The following SPATA6 variants were observed in gnomAD, a reference collection of about 807,000 sequenced individuals.
SPATA6 encodes the protein spermatogenesis associated 6.
Under a neutral mutation model 65.3 loss-of-function variants are expected in SPATA6, and 56 were observed. That is an observed-to-expected ratio of 0.86 (90% CI 0.69 to 1.07). SPATA6 has a LOEUF of 1.07. Among genes scored for constraint, SPATA6 ranks in the 50% least tolerant of loss-of-function variants. SPATA6 has a pLI of 0.00. For missense variants in SPATA6, 590 were observed against 594.8 expected (o/e 0.99, Z 0.08); for synonymous variants, 199 against 213.2 (o/e 0.93, Z 0.58).
intron 3 of SPATA6, among the ~76,000 whole-genome samples, chr1:48,425,315 G>A (rs532828134): frequency 6.6e-6 from 1 of 152,050 alleles, no homozygotes; most frequent in Non-Finnish European, 1.5e-5. Context: ...GTATGGATTT[G>A]TTTCTGGGTT....
intron 3 of SPATA6, among the ~76,000 whole-genome samples, chr1:48,413,493 G>A (rs912162003): frequency 1.2e-4 from 16 of 138,572 alleles, no homozygotes; most frequent in African/African-American, 2.7e-4. Flanking sequence ...TAGTAGAAAC[G>A]AGGTTTCACC....
At chr1:48,334,431 C>T (rs1008265873) in intron 11 of SPATA6, among the ~76,000 whole-genome samples, 16 of 152,096 alleles carry the variant, frequency 1.1e-4, no homozygotes, top group African/African-American at 3.6e-4. Flanking sequence ...AAAGCTTAGC[C>T]ACCACAATCA....
chr1:48,434,554 G>A (rs1341614559), intron 3 of SPATA6, among the ~76,000 whole-genome samples: 1 of 151,982 alleles, frequency 6.6e-6, no homozygotes, highest in African/African-American at 2.4e-5. Context: ...GTTGGTAAGA[G>A]AAGGCCTCTC....
intron 9 of SPATA6, among the ~76,000 whole-genome samples, chr1:48,374,684 T>A (rs768724395): frequency 6.6e-6 from 1 of 152,214 alleles, no homozygotes; most frequent in Non-Finnish European, 1.5e-5. Flanking sequence ...TCCCTTCTTA[T>A]GACAATAGAT....
At chr1:48,363,543 G>A (rs1460222390) in intron 9 of SPATA6, among the ~76,000 whole-genome samples, 2 of 152,004 alleles carry the variant, frequency 1.3e-5, no homozygotes, top group African/African-American at 4.8e-5. Context: ...TGGAGAGCTT[G>A]GCTCATAAAG....
At chr1:48,469,388 T>G (rs958114029) in intron 1 of SPATA6, among the ~76,000 whole-genome samples, 9 of 151,664 alleles carry the variant, frequency 5.9e-5, no homozygotes, top group African/African-American at 1.9e-4. Flanking sequence ...AGATACAGAG[T>G]GATCTCCAGG....
chr1:48,414,197 C>A (rs1403669853), intron 3 of SPATA6, among the ~76,000 whole-genome samples: 5 of 152,182 alleles, frequency 3.3e-5, no homozygotes, highest in African/African-American at 1.2e-4. Context: ...TCATTGGGCT[C>A]TCAAGTTTTT....
chr1:48,380,089 T>C (rs752695081), intron 9 of SPATA6, among the ~76,000 whole-genome samples: 5 of 152,216 alleles, frequency 3.3e-5, no homozygotes, highest in Admixed American at 1.3e-4. Flanking sequence ...AAAGAAAAAG[T>C]GAGAATCTCG....
At chr1:48,316,302 C>A (rs190846379) in intron 11 of SPATA6, among the ~76,000 whole-genome samples, 249 of 152,280 alleles carry the variant, frequency 1.6e-3, no homozygotes, top group African/African-American at 5.9e-3. Flanking sequence ...GCTACAGTAA[C>A]CAAAACAGCA....
intron 11 of SPATA6, among the ~76,000 whole-genome samples, chr1:48,329,033 C>A (rs983555636): frequency 6.6e-6 from 1 of 152,168 alleles, no homozygotes; most frequent in South Asian, 2.1e-4. Context: ...ATTACAAAGA[C>A]TGACTATATG....
intron 3 of SPATA6, among the ~76,000 whole-genome samples, chr1:48,418,499 G>A (rs933151291): frequency 2.4e-5 from 3 of 125,160 alleles, no homozygotes; most frequent in Non-Finnish European, 4.7e-5. Flanking sequence ...CTTGAGCCCC[G>A]GAGTTCGAGA....
chr1:48,356,748 C>T lies in SPATA6; in HGVS notation c.1095-979G>A, dbSNP rs778566836. The stretch of plus-strand genomic sequence containing the variant: ...CCAAACTGCTGACCTCGTGATCCGC[C>T]CACCTTGGCCTCCCAAAGTGCTGGG... On this transcript the variant is annotated intron_variant, in intron 10 of 12. Transcript: ENST00000371847. Among the ~76,000 whole-genome samples the T allele has an allele frequency of 4.5e-4, 69 of 152,080 alleles. 2 individuals are homozygous for T. Among genetic ancestry groups the T allele is most frequent in the Middle Eastern group, 6.8e-3 (2 of 294 alleles).
chr1:48,352,280 A>G (rs4926522), intron 11 of SPATA6, among the ~76,000 whole-genome samples: 64,680 of 151,850 alleles, frequency 0.43, 14,905 homozygotes, highest in African/African-American at 0.62. Context: ...TACCTCCCAC[A>G]GGGTCCCTCC....
At chr1:48,277,856 T>C in the SPATA6 span, among the ~76,000 whole-genome samples, 2 of 152,244 alleles carry the variant, frequency 1.3e-5, no homozygotes, top group Non-Finnish European at 2.9e-5. Context: ...GCTGGAGATC[T>C]GAGAATGGGC....
intron 6 of SPATA6, among the ~76,000 whole-genome samples, chr1:48,403,290 C>T (rs1189959863): frequency 1.3e-5 from 2 of 152,154 alleles, no homozygotes; most frequent in Non-Finnish European, 2.9e-5. Context: ...CCAAGATTCT[C>T]TTGATCTGGC....
intron 5 of SPATA6, among the ~76,000 whole-genome samples, chr1:48,410,379 C>T (rs111628329): frequency 0.014 from 2,167 of 152,304 alleles, 52 homozygotes; most frequent in African/African-American, 0.049. Flanking sequence ...AGCCATTCAA[C>T]AAGTCTCTAG....
intron 11 of SPATA6, among the ~76,000 whole-genome samples, chr1:48,324,119 T>TATG (rs1264166946): frequency 1.3e-5 from 2 of 151,462 alleles, no homozygotes; most frequent in African/African-American, 2.4e-5. Context: ...CTATCTACTC[T>TATG]ATTATTATTA....
intron 3 of SPATA6, among the ~76,000 whole-genome samples, chr1:48,433,572 T>C (rs1570560799): frequency 6.6e-6 from 1 of 152,096 alleles, no homozygotes; most frequent in Non-Finnish European, 1.5e-5. Flanking sequence ...TATAGCAAAA[T>C]AGTAAATCAA....
chr1:48,294,975 C>T (rs992542128), downstream of SPATA6, among the ~76,000 whole-genome samples: 3 of 152,136 alleles, frequency 2.0e-5, no homozygotes, highest in Non-Finnish European at 2.9e-5. Flanking sequence ...AGTTACCAAA[C>T]GACTGCAAAT....
Sources: allele counts gnomAD v4.1 joint callset (sites outside exome capture counted in the v4.1 genomes callset), GRCh38; gene constraint gnomAD v4.1.1; transcripts MANE v1.5; gene names NCBI Gene and HGNC (gene_info 2026-07-23, HGNC 2026-07-21).